Variants in BCAS3 observed in about 807,000 individuals in gnomAD.
The protein encoded by BCAS3 is BCAS4/BCAS3 fusion.
Under a neutral mutation model 116.1 loss-of-function variants are expected in BCAS3, and 53 were observed. The observed-to-expected ratio is 0.46, with a 90% CI of 0.37 to 0.57. BCAS3 has a LOEUF of 0.57. BCAS3 is among the 20% of genes least tolerant of loss of function. The probability of loss-of-function intolerance (pLI) is 0.00; values close to 1 mark genes in which losing one functional copy is unlikely to be tolerated. For synonymous variants in BCAS3, 391 were observed against 408.2 expected (o/e 0.96, Z 0.51); for missense variants, 917 against 1,165.4 (o/e 0.79, Z 3.10).
At chr17:60,948,886 T>C (rs1483645989) in intron 14 of BCAS3, among the ~76,000 whole-genome samples, 1 of 152,078 alleles carries the variant, frequency 6.6e-6, no homozygotes. Context: ...CTTTTTTTTT[T>C]TTTCCCTCAA....
At chr17:61,062,997 C>T (rs939177609) in intron 19 of BCAS3, among the ~76,000 whole-genome samples, 3 of 152,120 alleles carry the variant, frequency 2.0e-5, no homozygotes, top group Admixed American at 1.3e-4. Flanking sequence ...GAAGCTTTCC[C>T]GGGCATTTTC....
intron 19 of BCAS3, among the ~76,000 whole-genome samples, chr17:61,042,672 G>A (rs551482720): frequency 2.6e-5 from 4 of 151,822 alleles, no homozygotes; most frequent in African/African-American, 9.7e-5. Context: ...AGGATCACTT[G>A]AGGTCAGGAG....
intron 14 of BCAS3, among the ~76,000 whole-genome samples, chr17:60,977,085 C>T (rs140775469): frequency 7.2e-5 from 11 of 152,000 alleles, no homozygotes; most frequent in East Asian, 5.8e-4. Context: ...ACCTCCCGGA[C>T]GGGGTGGCTG....
In BCAS3 at chr17:60,854,949, G is replaced by GTTTTTTTTTTTTT. The variant is rs1267985905; in HGVS notation, c.477-13618_477-13606dup. The stretch of plus-strand genomic sequence containing the variant: ...ATTTTTCTTATTTATTTTCAGTGAG[G>GTTTTTTTTTTTTT]TTTTTTTTTTTTTTTTTTTTTGTAG... On this transcript the variant is annotated intron_variant, in intron 7 of 23. Transcript: ENST00000407086. Among the ~76,000 whole-genome samples the GTTTTTTTTTTTTT allele has an allele frequency of 7.4e-5, 9 of 121,952 alleles. No individual in the cohort carries two copies. The East Asian group carries it at 9.8e-4, about 13-fold the overall frequency. 80.0% of individuals were successfully genotyped at this position (121,952 alleles called of 152,430 possible). A position where few individuals can be genotyped will look rare whatever the true frequency, so the allele number is the denominator to read the frequency against.
In BCAS3 at chr17:61,152,540, T is replaced by TA. The variant is rs773384959; in HGVS notation, c.2425+67980dup. On this transcript the variant is annotated intron_variant, in intron 22 of 23. Transcript: ENST00000407086. ...TGAGCCTATTTTTCTAGAAAAGGGT[T>TA]AAAACTAGGAAGAAAATAGTGCTAA... Among the ~76,000 whole-genome samples the TA allele has an allele frequency of 2.3e-3, 354 of 152,234 alleles. 5 individuals carry two copies. The highest frequency in any genetic ancestry group is 3.1e-4 in the Non-Finnish European group (21 of 68,006).
At chr17:61,331,774 C>T (rs1289994231) in intron 22 of BCAS3, among the ~76,000 whole-genome samples, 1 of 152,156 alleles carries the variant, frequency 6.6e-6, no homozygotes, top group East Asian at 1.9e-4. Flanking sequence ...GAACACAGAA[C>T]AAATTTGTGT....
chr17:61,304,356 C>T lies in BCAS3; in HGVS notation c.2426-63971C>T, dbSNP rs573547474. The stretch of plus-strand genomic sequence containing the variant: ...AAGGCCTGCAAAACCTTTCCTTGGT[C>T]AGGCTTCTGCCTGCCCCTGTATCCA... On this transcript the variant is annotated intron_variant, in intron 22 of 23. Transcript: ENST00000407086. Among the ~76,000 whole-genome samples the T allele has an allele frequency of 2.5e-4, 38 of 152,350 alleles. 2 individuals carry two copies. In the East Asian group the frequency reaches 6.4e-3, roughly 26 times the overall value.
chr17:61,307,634 T>A lies in BCAS3; in HGVS notation c.2426-60693T>A, dbSNP rs534137444. Among the ~76,000 whole-genome samples, 17 of 152,356 alleles carry A rather than the reference T, an allele frequency of 1.1e-4. No individual in the cohort carries two copies. In the South Asian group the frequency reaches 3.5e-3, roughly 32 times the overall value. The stretch of plus-strand genomic sequence containing the variant: ...ATAAATAAAAGGAGCTATATAAATC[T>A]GAGAAACTGTAGAGAGGACTCTAAC... On this transcript the variant is annotated intron_variant, in intron 22 of 23. Coordinates refer to ENST00000407086, the MANE Select transcript of BCAS3 (RefSeq NM_017679.5). This position sits in a 1 kb window ranked among gnomAD's most constrained non-coding sequence, Gnocchi z 4.7.
intron 22 of BCAS3, among the ~76,000 whole-genome samples, chr17:61,291,058 A>G (rs909644424): frequency 2.0e-5 from 3 of 151,912 alleles, no homozygotes; most frequent in Admixed American, 2.0e-4. Context: ...GGGATTACAG[A>G]CGTGAGCCAC....
rs527766899 is a variant in BCAS3 at position 60,798,599 on chromosome 17, T to C, written c.404-9405T>C. Among the ~76,000 whole-genome samples the C allele has an allele frequency of 4.6e-5, 7 of 152,364 alleles. No individual in the cohort carries two copies. The East Asian group carries it at 1.3e-3, about 29-fold the overall frequency. On this transcript the variant is annotated intron_variant, in intron 6 of 23. Coordinates refer to ENST00000407086, the MANE Select transcript of BCAS3 (RefSeq NM_017679.5). ...ATCCATTCATCTGCTGAAGAACATG[T>C]TGGTCGCATCCAAGTTTTGGCAATT... is the stretch of plus-strand genomic sequence containing the variant.
intron 7 of BCAS3, among the ~76,000 whole-genome samples, chr17:60,831,677 T>A (rs1239981792): frequency 6.6e-6 from 1 of 151,974 alleles, no homozygotes; most frequent in African/African-American, 2.4e-5. Flanking sequence ...TGTGGGTGGA[T>A]GTGCTTTTGG....
At chr17:61,117,040 AGTGTGG>A (rs2075510282) in intron 22 of BCAS3, among the ~76,000 whole-genome samples, 1 of 152,178 alleles carries the variant, frequency 6.6e-6, no homozygotes, top group Non-Finnish European at 1.5e-5. Context: ...GTCTCTTAAA[AGTGTGG>A]ATATTATTCA....
At chr17:61,053,742 TTGTAA>T (rs2069103090) in intron 19 of BCAS3, among the ~76,000 whole-genome samples, 1 of 152,202 alleles carries the variant, frequency 6.6e-6, no homozygotes, top group African/African-American at 2.4e-5. Context: ...TAGAGGAAAC[TTGTAA>T]TGTAGGACTT....
chr17:60,690,944 A>ACAAAAG (rs1244929180), intron 4 of BCAS3, among the ~76,000 whole-genome samples: 1 of 151,062 alleles, frequency 6.6e-6, no homozygotes, highest in Non-Finnish European at 1.5e-5. Flanking sequence ...AAAAACAAAA[A>ACAAAAG]CAAAACAAAA....
Position 61,098,671 on chromosome 17 carries a change from G to A in BCAS3, c.2425+14107G>A, listed in dbSNP as rs2074124435. ...ATCCATGATCCATGGACAAGAGTGAGTAGAAGGAGATGATACTGATAGCAA... is the reference window on the plus strand; with the variant it reads ...ATCCATGATCCATGGACAAGAGTGAATAGAAGGAGATGATACTGATAGCAA... On this transcript the variant is annotated intron_variant, in intron 22 of 23. Transcript: ENST00000407086. The surrounding 1 kb of genome is among the most constrained non-coding windows in gnomAD (Gnocchi z 4.2). 6.6e-6 allele frequency among the ~76,000 whole-genome samples: 1 copy of A among 152,162 alleles called. No individual in the cohort carries two copies. Among genetic ancestry groups the A allele is most frequent in the Non-Finnish European group, 1.5e-5 (1 of 68,028 alleles).
chr17:61,336,941 T>C (rs1233265304), intron 22 of BCAS3, among the ~76,000 whole-genome samples: 1 of 151,960 alleles, frequency 6.6e-6, no homozygotes, highest in Non-Finnish European at 1.5e-5. Context: ...GGTGAAACCC[T>C]GTCTCTACTA....
rs1424262880 is a variant in BCAS3, at chr17:61,199,401, G to A, written c.2425+114837G>A. 1.3e-5 allele frequency among the ~76,000 whole-genome samples: 2 copies of A among 152,140 alleles called. No individual in the cohort carries two copies. Among genetic ancestry groups the A allele is most frequent in the Non-Finnish European group, 2.9e-5 (2 of 68,020 alleles). ...CATGGTGTTACAGTAAAGACAACTC[G>A]ACATCATACTGACTACAAATTACCT... is the stretch of plus-strand genomic sequence containing the variant. On this transcript the variant is annotated intron_variant, in intron 22 of 23. Transcript: ENST00000407086. The surrounding 1 kb of genome is among the most constrained non-coding windows in gnomAD (Gnocchi z 4.6).
chr17:60,794,885 G>A (rs2047078844), intron 6 of BCAS3, among the ~76,000 whole-genome samples: 1 of 152,002 alleles, frequency 6.6e-6, no homozygotes, highest in South Asian at 2.1e-4. Flanking sequence ...TGGCTATATG[G>A]GCTCTTTTTT....
At chr17:60,864,346 G>A (rs1389055638) in intron 7 of BCAS3, among the ~76,000 whole-genome samples, 3 of 152,188 alleles carry the variant, frequency 2.0e-5, no homozygotes, top group African/African-American at 4.8e-5. Flanking sequence ...CTTTAGCTGG[G>A]TTAGACCTAA....
Sources: allele counts gnomAD v4.1 joint callset (sites outside exome capture counted in the v4.1 genomes callset), GRCh38; gene constraint gnomAD v4.1.1; non-coding constraint Gnocchi (gnomAD v3.1); transcripts MANE v1.5; gene names NCBI Gene and HGNC (gene_info 2026-07-23, HGNC 2026-07-21).